NTMT1: variants seen among roughly 807,000 people sequenced by gnomAD.
NTMT1 encodes the protein N-terminal RCC1 methyltransferase.
A neutral mutation model predicts 17.5 loss-of-function variants in NTMT1; 8 were observed. The ratio of observed to expected loss-of-function variants is 0.46; its 90% CI spans 0.27 to 0.82. NTMT1 has a LOEUF of 0.82. Among genes scored for constraint, NTMT1 ranks in the 40% least tolerant of loss-of-function variants. The pLI is 0.15. For missense variants in NTMT1, 221 were observed against 303.5 expected (o/e 0.73, Z 2.02); for synonymous variants, 128 against 126.8 (o/e 1.01, Z -0.06).
intron 2 of NTMT1, 127 bp downstream of exon 2, chr9:129,632,992 C>A: frequency 9.0e-7 from 1 of 1,108,058 alleles, no homozygotes; most frequent in Non-Finnish European, 1.3e-6. Flanking sequence ...GTACCTACCC[C>A]AAAGCCTTGA....
chr9:129,635,351 C>T lies in NTMT1; in HGVS notation c.559C>T (p.Leu187Phe), dbSNP rs749337017. The T allele has an allele frequency of 3.7e-6, 6 of 1,613,746 alleles. No individual in the cohort carries two copies. The highest frequency in any genetic ancestry group is 1.3e-5 in the African/African-American group (1 of 74,944). Reference sequence around the variant, plus strand: ...CGTGGACAGCAGCGTGTGCCGGGACCTTGACGTGGTCCGCAGGATCATCTG... The same window carrying T: ...CGTGGACAGCAGCGTGTGCCGGGACTTTGACGTGGTCCGCAGGATCATCTG... The part of the protein sequence containing the change: ...DDVDSSVCRD[L>F]DVVRRIICSA... The change falls in exon 4 of 4, where the codon CTT becomes TTT. Residue 187 changes from leucine to phenylalanine, a missense_variant. By Grantham distance (22) the Leu-to-Phe change is conservative. Coordinates refer to ENST00000372483, the MANE Select transcript of NTMT1 (RefSeq NM_014064.4).
chr9:129,619,382 C>T (rs952645966), intron 1 of NTMT1: 6 of 687,408 alleles, frequency 8.7e-6, no homozygotes, highest in South Asian at 1.8e-5. Context: ...ATCTGATTCA[C>T]GGACAGCCAT....
rs1830640550 is a variant in NTMT1, at chr9:129,620,473, C to A, written c.-55+11295C>A. ...CCGCTCGGAGCGCGGGCGGGGTCAG[C>A]TTGGGCAGCCGCGGGTCGCTGCTGC... is the stretch of plus-strand genomic sequence containing the variant. On this transcript the variant is annotated intron_variant, in intron 1 of 3. Transcript: ENST00000372486. This position sits in a 1 kb window ranked among gnomAD's most constrained non-coding sequence, Gnocchi z 5.8. 2 of 1,372,132 alleles carry A rather than the reference C, an allele frequency of 1.5e-6. No homozygotes were observed. The highest frequency in any genetic ancestry group is 1.9e-6 in the Non-Finnish European group (2 of 1,057,412). 85.0% of individuals were successfully genotyped at this position (1,372,132 alleles called of 1,614,324 possible).
intron 3 of NTMT1, 116 bp downstream of exon 3, chr9:129,634,422 C>T: frequency 8.2e-7 from 1 of 1,225,366 alleles, no homozygotes. Flanking sequence ...AGTGAGGATT[C>T]CCCACCCCGC....
At chr9:129,635,132 G>A in intron 3 of NTMT1, 76 bp from the exon 4 acceptor site, 3 of 1,530,590 alleles carry the variant, frequency 2.0e-6, no homozygotes, top group Non-Finnish European at 2.6e-6. Context: ...GCTCAGCGGG[G>A]CTGAGAAGTA....
intron 1 of NTMT1, chr9:129,619,576 A>T: frequency 6.2e-7 from 1 of 1,614,106 alleles, no homozygotes; most frequent in South Asian, 1.1e-5. Context: ...GGGGCCCCAG[A>T]ATAGGTGTCT....
Position 129,613,105 on chromosome 9 carries a change from A to G in NTMT1, c.-55+3927A>G. 2 of 1,613,732 alleles carry G rather than the reference A, an allele frequency of 1.2e-6. No homozygotes were observed. Among genetic ancestry groups the G allele is most frequent in the Non-Finnish European group, 1.7e-6 (2 of 1,179,988 alleles). On this transcript the variant is annotated intron_variant, in intron 1 of 3. Coordinates refer to the NTMT1 transcript ENST00000372486. This position sits in a 1 kb window ranked among gnomAD's most constrained non-coding sequence, Gnocchi z 6.2. Reference sequence around the variant, plus strand: ...GGTCCAGGAGCAAGACCATTTGCCCACCTGCTCCAGGTTTCTGTGCGGGTC... The same window carrying G: ...GGTCCAGGAGCAAGACCATTTGCCCGCCTGCTCCAGGTTTCTGTGCGGGTC...
rs1830656457 is a variant in NTMT1 at position 129,620,651 on chromosome 9, G to C, written c.-55+11473G>C. 4.1e-6 allele frequency: 5 copies of C among 1,222,676 alleles called. No individual in the cohort carries two copies. In the East Asian group the frequency reaches 1.5e-4, roughly 38 times the overall value. The allele number at this position is 1,222,676 out of a possible 1,614,324, so 75.7% of individuals were successfully genotyped here. A position where few individuals can be genotyped will look rare whatever the true frequency, so the allele number is the denominator to read the frequency against. On this transcript the variant is annotated intron_variant, in intron 1 of 3. Coordinates refer to the NTMT1 transcript ENST00000372486. The surrounding 1 kb of genome is among the most constrained non-coding windows in gnomAD (Gnocchi z 5.8). ...CGCCGGCTGAGGTGGGGAGGGCATAGTCCAGCCCCAGGCCATAGTGCCCCG... is the reference window on the plus strand; with the variant it reads ...CGCCGGCTGAGGTGGGGAGGGCATACTCCAGCCCCAGGCCATAGTGCCCCG...
chr9:129,616,211 T>C (rs1006105230), intron 1 of NTMT1, among the ~76,000 whole-genome samples: 3 of 151,998 alleles, frequency 2.0e-5, no homozygotes. Context: ...CAGGGAGCTG[T>C]TTTTTGTTTT....
intron 1 of NTMT1, among the ~76,000 whole-genome samples, chr9:129,630,641 C>T (rs1031132302): frequency 6.6e-6 from 1 of 152,266 alleles, no homozygotes; most frequent in South Asian, 2.1e-4. Context: ...TGGACTCTTC[C>T]GTGTTGACCC....
chr9:129,634,827 T>C, intron 3 of NTMT1: 1 of 260,798 alleles, frequency 3.8e-6, no homozygotes, highest in Non-Finnish European at 7.5e-6. Context: ...GAAGCCTTTG[T>C]GGGGACTTCT....
At chr9:129,610,723 C>T (rs1183659108) in intron 1 of NTMT1, among the ~76,000 whole-genome samples, 1 of 152,100 alleles carries the variant, frequency 6.6e-6, no homozygotes, top group East Asian at 1.9e-4. Flanking sequence ...CGTGGGCGCG[C>T]CGCGGTGCTG....
At chr9:129,631,556 C>T (rs749917212) in intron 1 of NTMT1, among the ~76,000 whole-genome samples, 5 of 152,236 alleles carry the variant, frequency 3.3e-5, no homozygotes, top group Admixed American at 6.5e-5. Context: ...TCTCCACCGC[C>T]GCCAGCAGTC....
intron 1 of NTMT1, among the ~76,000 whole-genome samples, chr9:129,632,070 C>T (rs770354376): frequency 2.0e-5 from 3 of 152,150 alleles, no homozygotes; most frequent in African/African-American, 7.2e-5. Context: ...CTGGTGCTCT[C>T]GGCTTTGCGG....
upstream of NTMT1, among the ~76,000 whole-genome samples, chr9:129,621,646 G>T (rs532977538): frequency 3.2e-4 from 48 of 152,332 alleles, no homozygotes; most frequent in South Asian, 9.5e-3. Flanking sequence ...GGGATCACAG[G>T]CGTGAGTCCC....
intron 1 of NTMT1, among the ~76,000 whole-genome samples, chr9:129,631,358 G>A (rs1319384758): frequency 6.6e-6 from 1 of 152,246 alleles, no homozygotes; most frequent in Non-Finnish European, 1.5e-5. Context: ...AGCGTGGTGT[G>A]CCTTGGTGAC....
At chr9:129,627,538 TCGGTATTA>T (rs1830958465) in intron 1 of NTMT1, among the ~76,000 whole-genome samples, 1 of 152,206 alleles carries the variant, frequency 6.6e-6, no homozygotes. Context: ...TTCTGTAAAG[TCGGTATTA>T]CTGTTCCATT....
At chr9:129,611,525 G>T (rs1282596293) in intron 1 of NTMT1, among the ~76,000 whole-genome samples, 3 of 152,180 alleles carry the variant, frequency 2.0e-5, no homozygotes, top group Non-Finnish European at 2.9e-5. Context: ...CAACCCTTCC[G>T]GGGAAACGCA....
At chr9:129,632,933 G>A (rs1467969856) in intron 2 of NTMT1, 68 bp downstream of exon 2, 3 of 1,547,160 alleles carry the variant, frequency 1.9e-6, no homozygotes, top group South Asian at 1.2e-5. Context: ...TCCATGTGGG[G>A]TGCCACCTTT....
Sources: gnomAD v4.1 joint callset for allele counts (sites outside exome capture counted in the v4.1 genomes callset) on GRCh38, gnomAD v4.1.1 for gene constraint, Gnocchi (gnomAD v3.1) non-coding constraint, MANE v1.5 for transcripts, NCBI Gene and HGNC (gene_info 2026-07-23, HGNC 2026-07-21) for gene names.